The following F11 variants were observed in gnomAD, a reference collection of about 807,000 sequenced individuals.
The protein encoded by F11 is coagualtion factor XI.
A neutral mutation model predicts 76.5 loss-of-function variants in F11; 78 were observed. The ratio of observed to expected loss-of-function variants is 1.02; its 90% confidence interval spans 0.85 to 1.23. F11 has a LOEUF of 1.23. Ranked by LOEUF, F11 falls within the 50% of genes most tolerant of loss-of-function variation. F11 has a pLI of 0.00. For missense variants in F11, 742 were observed against 771.4 expected, an observed-to-expected ratio of 0.96 and a Z score of 0.45; for synonymous variants, 278 against 276.3, an observed-to-expected ratio of 1.01 and a Z score of -0.06.
At chr4:186,268,870 G>A (rs546578779) in intron 2 of F11, among the ~76,000 whole-genome samples, 1 of 152,254 alleles carries the variant, frequency 6.6e-6, no homozygotes, top group Non-Finnish European at 1.5e-5. Flanking sequence ...GATATAAGAT[G>A]ACAAGAAGAT....
At position 186,287,883 on chromosome 4, in the gene F11, G is replaced by GT. The variant is rs965877577; in HGVS notation, c.1716+67dup. 8.9e-6 allele frequency: 14 copies of GT among 1,564,490 alleles called. No individual in the cohort carries two copies. The East Asian group carries it at 1.9e-4, about 21-fold the overall frequency. On this transcript the variant is annotated intron_variant, in intron 14 of 14. Coordinates refer to ENST00000403665, the MANE Select transcript of F11 (RefSeq NM_000128.4). ...AAATTGGAATGCTTAATGCGTTGGGGTTTTTTTGTTTGTTTTGTTTTTTTT... is the reference window on the plus strand; with the variant it reads ...AAATTGGAATGCTTAATGCGTTGGGGTTTTTTTTGTTTGTTTTGTTTTTTTT...
chr4:186,284,098 C>A lies in F11; in HGVS notation c.1142C>A (p.Thr381Asn). The A allele has an allele frequency of 6.2e-7, 1 of 1,614,200 alleles. No individual in the cohort carries two copies. Among genetic ancestry groups the A allele is most frequent in the Non-Finnish European group, 8.5e-7 (1 of 1,180,032 alleles). The change falls in exon 11 of 15, where the codon ACC becomes AAC. Residue 381 changes from threonine to asparagine, a missense_variant. Thr to Asn is a moderately conservative substitution (Grantham distance 65). Coordinates refer to ENST00000403665, the MANE Select transcript of F11 (RefSeq NM_000128.4). Reference protein sequence around the residue: ...LRLCKMDNECTTKIKPRIVGG... With the variant: ...LRLCKMDNECNTKIKPRIVGG... ...CACAATGCTTCTGTTGCAGAGTGTA[C>A]CACCAAAATCAAGCCCAGGATCGTT...
intron 4 of F11, among the ~76,000 whole-genome samples, chr4:186,273,846 C>G (rs186256078): frequency 6.6e-6 from 1 of 152,022 alleles, no homozygotes; most frequent in East Asian, 1.9e-4. Context: ...AGTTAATTAG[C>G]GAAATAATCA....
chr4:186,288,556 T>C lies in F11; in HGVS notation c.1820T>C (p.Val607Ala). ...TGTGCTCAAAGGGAGCGGCCAGGTG[T>C]TTACACCAACGTGGTCGAGTACGTG... is the stretch of plus-strand genomic sequence containing the variant. ...EGCAQRERPG[V>A]YTNVVEYVDW... Residue 607 changes from valine to alanine, a missense_variant, in exon 15 of 15, where the codon GTT becomes GCT. Transcript: ENST00000403665. The C allele has an allele frequency of 6.2e-7, 1 of 1,614,130 alleles. No individual in the cohort carries two copies. Among genetic ancestry groups the C allele is most frequent in the Non-Finnish European group, 8.5e-7 (1 of 1,180,024 alleles).
chr4:186,283,931 T>A (rs1366736391), intron 10 of F11, 161 bp from the exon 11 acceptor site: 4 of 485,530 alleles, frequency 8.2e-6, no homozygotes, highest in Non-Finnish European at 1.1e-5. Flanking sequence ...ATTTTTCATG[T>A]GCATGTTTTG....
chr4:186,273,805 C>G lies in F11; in HGVS notation c.326-311C>G, dbSNP rs4253836. Among the ~76,000 whole-genome samples, 813 of 152,268 alleles carry G rather than the reference C, an allele frequency of 5.3e-3. 5 individuals carry two copies. Among genetic ancestry groups the G allele is most frequent in the African/African-American group, 0.019 (784 of 41,548 alleles). ...AGCAAATATAAAGGTTGAAGTGACA[C>G]TTGTCTTAATAGTGAATAGATACTT... On this transcript the variant is annotated intron_variant, in intron 4 of 14. Transcript: ENST00000403665.
Position 186,280,332 on chromosome 4 carries a change from C to A in F11, c.975C>A (p.Val325=). ...GCCAGAAACTGTGCACCAATGCCGT[C>A]CGCTGCCAGTTTTTTACCTATACCC... ...EACQKLCTNA[V]RCQFFTYTPA... is the part of the protein sequence containing the mutation. Residue 325 remains valine, a synonymous_variant, in exon 9 of 15, where the codon GTC becomes GTA. Transcript: ENST00000403665. 6.2e-7 allele frequency: 1 copy of A among 1,614,202 alleles called. No individual in the cohort carries two copies. The highest frequency in any genetic ancestry group is 8.5e-7 in the Non-Finnish European group (1 of 1,180,048).
chr4:186,288,505 T>C lies in F11; in HGVS notation c.1769T>C (p.Val590Ala). 1 of 1,614,146 alleles carries C rather than the reference T, an allele frequency of 6.2e-7. No individual in the cohort carries two copies. Among genetic ancestry groups the C allele is most frequent in the Non-Finnish European group, 8.5e-7 (1 of 1,180,022 alleles). Residue 590 changes from valine (V) to alanine (A), a missense_variant, in exon 15 of 15, where the codon GTA (valine) becomes GCA (alanine). By Grantham distance (64) the Val-to-Ala change is moderately conservative. Transcript: ENST00000403665. ...AAACACAATGAGGTCTGGCATCTGGTAGGCATCACGAGCTGGGGCGAAGGC... is the reference window on the plus strand; with the variant it reads ...AAACACAATGAGGTCTGGCATCTGGCAGGCATCACGAGCTGGGGCGAAGGC... ...SCKHNEVWHL[V>A]GITSWGEGCA...
At chr4:186,270,578 A>G (rs1479559301) in intron 2 of F11, among the ~76,000 whole-genome samples, 2 of 152,070 alleles carry the variant, frequency 1.3e-5, no homozygotes. Flanking sequence ...CATATTGAAA[A>G]TCAATTTGTC....
At chr4:186,280,146 G>T in intron 8 of F11, 25 bp downstream of exon 8, 1 of 1,613,848 alleles carries the variant, frequency 6.2e-7, no homozygotes, top group Non-Finnish European at 8.5e-7. Context: ...CTGCATTCTG[G>T]CTGAGAGTGA....
In F11 at chr4:186,283,954, G is replaced by T. The variant is rs1580097941; in HGVS notation, c.1136-138G>T. On this transcript the variant is annotated intron_variant, in intron 10 of 14. Transcript: ENST00000403665. ...TGTGCATGTTTTGCTTTGGCAGCTTGATTATAAAGTCTCTGTAACTCAGGG... is the reference window on the plus strand; with the variant it reads ...TGTGCATGTTTTGCTTTGGCAGCTTTATTATAAAGTCTCTGTAACTCAGGG... 3 of 1,380,294 alleles carry T rather than the reference G, an allele frequency of 2.2e-6. No individual in the cohort carries two copies. The East Asian group carries it at 7.0e-5, about 32-fold the overall frequency. 85.5% of individuals were successfully genotyped at this position (1,380,294 alleles called of 1,614,324 possible).
At chr4:186,273,008 T>C (rs765275132) in intron 3 of F11, 63 bp from the exon 4 acceptor site, 3 of 1,126,390 alleles carry the variant, frequency 2.7e-6, no homozygotes, top group Non-Finnish European at 3.9e-6. Flanking sequence ...TGCTGACTTT[T>C]AAGATCCATT....
In F11 at chr4:186,288,541, G is replaced by C; in HGVS notation, c.1805G>C (p.Arg602Thr). 6.2e-7 allele frequency: 1 copy of C among 1,614,180 alleles called. No individual in the cohort carries two copies. The highest frequency in any genetic ancestry group is 1.6e-4 in the Middle Eastern group (1 of 6,062). Residue 602 changes from arginine to threonine, a missense_variant, in exon 15 of 15, where the codon AGG (arginine) becomes ACG (threonine). By Grantham distance (71) the Arg-to-Thr change is moderately conservative. Transcript: ENST00000403665. ...ITSWGEGCAQRERPGVYTNVV... is the reference protein window; with the variant it reads ...ITSWGEGCAQTERPGVYTNVV... ...AGCTGGGGCGAAGGCTGTGCTCAAA[G>C]GGAGCGGCCAGGTGTTTACACCAAC...
At chr4:186,281,613 T>C (rs1208540629) in intron 10 of F11, among the ~76,000 whole-genome samples, 1 of 152,130 alleles carries the variant, frequency 6.6e-6, no homozygotes, top group Non-Finnish European at 1.5e-5. Flanking sequence ...CCACAAACAC[T>C]CCTGCTTAAA....
chr4:186,273,224 A>G (rs778294390), intron 4 of F11, 47 bp downstream of exon 4: 1 of 1,372,104 alleles, frequency 7.3e-7, no homozygotes, highest in Non-Finnish European at 1.0e-6. Flanking sequence ...TGATGTACAC[A>G]TATCGCCACA....
At position 186,276,336 on chromosome 4, in the gene F11, CCGGTTG is replaced by C. The variant is rs776327229; in HGVS notation, c.703_708del (p.Gly235_Cys236del). 1 of 1,614,060 alleles carries C rather than the reference CCGGTTG, an allele frequency of 6.2e-7. No homozygotes were observed. Among genetic ancestry groups the C allele is most frequent in the South Asian group, 1.1e-5 (1 of 91,084 alleles). ...TGTGGCCGAATCTGCACTCATCATC[CCGGTTG>C]CTTGTTTTTTACCTTCTTTTCCCAG... On this transcript the variant is annotated inframe_deletion, in exon 7 of 15. Transcript: ENST00000403665.
chr4:186,271,868 T>C, intron 3 of F11, 97 bp downstream of exon 3: 3 of 1,311,538 alleles, frequency 2.3e-6, no homozygotes, highest in Non-Finnish European at 3.3e-6. Context: ...AATTTAACAT[T>C]AACAACTGGA....
At chr4:186,273,228 C>G in intron 4 of F11, 51 bp downstream of exon 4, 2 of 1,353,796 alleles carry the variant, frequency 1.5e-6, no homozygotes, top group Non-Finnish European at 2.1e-6. Flanking sequence ...GTACACATAT[C>G]GCCACATCGG....
intron 7 of F11, 135 bp downstream of exon 7, chr4:186,276,525 C>A: frequency 3.2e-6 from 3 of 949,616 alleles, no homozygotes; most frequent in Non-Finnish European, 4.9e-6. Flanking sequence ...GAATTTCTAG[C>A]CCCTCTCCCT....
Sources: allele counts gnomAD v4.1 joint callset (sites outside exome capture counted in the v4.1 genomes callset), GRCh38; gene constraint gnomAD v4.1.1; transcripts MANE v1.5; gene names NCBI Gene and HGNC (gene_info 2026-07-23, HGNC 2026-07-21).